KNOP1: variants seen among roughly 807,000 people sequenced by gnomAD.
The protein encoded by KNOP1 is lysine rich nucleolar protein 1, also known as lysine-rich nucleolar protein 1.
KNOP1 carries 20 observed loss-of-function variants against 30.6 expected under a neutral mutation model. The ratio of observed to expected loss-of-function variants is 0.65; its 90% CI spans 0.46 to 0.95. The LOEUF (loss-of-function observed/expected upper bound fraction) is 0.95, where lower values mean the gene tolerates loss of function less well. Ranked by LOEUF, KNOP1 falls within the 40% of genes least tolerant of loss-of-function variation. KNOP1 has a pLI of 0.00. For synonymous variants in KNOP1, 204 were observed against 210.0 expected (o/e 0.97, Z 0.25); for missense variants, 540 against 562.0 (o/e 0.96, Z 0.40).
intron 2 of KNOP1, among the ~76,000 whole-genome samples, chr16:19,712,365 G>A (rs1976765537): frequency 6.6e-6 from 1 of 152,188 alleles, no homozygotes; most frequent in Admixed American, 6.5e-5. Context: ...AGCAATGGGT[G>A]GTCCAAGGTC....
rs1294285440 is a variant in KNOP1 at position 19,715,116 on chromosome 16, G to A, written c.-2-79C>T. On this transcript the variant is annotated intron_variant, in intron 1 of 4. Transcript: ENST00000219837. ...TCTACTAAGCATTGCCAAGAGCCAT[G>A]TTTCTTTGAGTGGGTGGTCAAAGCG... is the stretch of plus-strand genomic sequence containing the variant. 6.8e-6 allele frequency: 7 copies of A among 1,022,854 alleles called. No homozygotes were observed. The Admixed American group carries it at 1.9e-4, about 27-fold the overall frequency. The allele number at this position is 1,022,854 out of a possible 1,614,324, so 63.4% of individuals were successfully genotyped here.
At chr16:19,718,096 C>A in intron 1 of KNOP1, 62 bp downstream of exon 1, 1 of 1,428,510 alleles carries the variant, frequency 7.0e-7, no homozygotes, top group Non-Finnish European at 9.1e-7. Context: ...CCGCCGCGCA[C>A]TTCCTCTGGT....
chr16:19,715,052 G>A lies in KNOP1; in HGVS notation c.-2-15C>T, dbSNP rs765963772. ...GGTGATCATTCCTGAAAAAACAAAT[G>A]GTACAAGTTATCCCATACCAAGCCA... is the stretch of plus-strand genomic sequence containing the variant. On this transcript the variant is annotated splice_polypyrimidine_tract_variant and intron_variant, in intron 1 of 4. Transcript: ENST00000219837. 1.3e-6 allele frequency: 2 copies of A among 1,526,222 alleles called. No homozygotes were observed. Among genetic ancestry groups the A allele is most frequent in the Non-Finnish European group, 1.7e-6 (2 of 1,143,268 alleles). 94.5% of individuals were successfully genotyped at this position (1,526,222 alleles called of 1,614,324 possible). A position where few individuals can be genotyped will look rare whatever the true frequency, so the allele number is the denominator to read the frequency against.
Position 19,706,640 on chromosome 16 carries a change from A to G in KNOP1, c.*270T>C. 2.4e-6 allele frequency: 1 copy of G among 416,632 alleles called. No individual in the cohort carries two copies. The allele number at this position is 416,632 out of a possible 1,614,324, so 25.8% of individuals were successfully genotyped here. On this transcript the variant is annotated 3_prime_UTR_variant, in exon 5 of 5. Coordinates refer to ENST00000219837, the MANE Select transcript of KNOP1 (RefSeq NM_001012991.3). ...TGAGCTGCCCTGCCCCAGTTCATCC[A>G]AGCCCATCAATATAGTTGTCCTCGT...
Position 19,705,043 on chromosome 16 carries a change from T to C in KNOP1, c.*1867A>G, listed in dbSNP as rs888908931. The C allele has an allele frequency of 5.0e-6, 2 of 399,828 alleles. No homozygotes were observed. The highest frequency in any genetic ancestry group is 2.1e-5 in the African/African-American group (1 of 48,378). The allele number at this position is 399,828 out of a possible 1,614,324, so 24.8% of individuals were successfully genotyped here. A position where few individuals can be genotyped will look rare whatever the true frequency, so the allele number is the denominator to read the frequency against. ...GGTGCAGCTATGGGCAGATGACTCA[T>C]TGCCCAGCAATGGAGGCTTCTGGAA... On this transcript the variant is annotated 3_prime_UTR_variant, in exon 5 of 5. Transcript: ENST00000219837.
In KNOP1 at chr16:19,715,051, T is replaced by A. The variant is rs1314599528; in HGVS notation, c.-2-14A>T. ...TGGTGATCATTCCTGAAAAAACAAA[T>A]GGTACAAGTTATCCCATACCAAGCC... On this transcript the variant is annotated splice_polypyrimidine_tract_variant and intron_variant, in intron 1 of 4. Transcript: ENST00000219837. The A allele has an allele frequency of 5.9e-6, 9 of 1,528,190 alleles. No homozygotes were observed. The Admixed American group carries it at 1.9e-4, about 33-fold the overall frequency. 94.7% of individuals were successfully genotyped at this position (1,528,190 alleles called of 1,614,324 possible). A position where few individuals can be genotyped will look rare whatever the true frequency, so the allele number is the denominator to read the frequency against.
At chr16:19,715,809 T>C (rs1977027363) in intron 1 of KNOP1, among the ~76,000 whole-genome samples, 1 of 152,130 alleles carries the variant, frequency 6.6e-6, no homozygotes, top group African/African-American at 2.4e-5. Context: ...CAGCTTGTCT[T>C]GGACAGATAT....
At chr16:19,709,917 C>T (rs899580681) in intron 4 of KNOP1, among the ~76,000 whole-genome samples, 1 of 152,166 alleles carries the variant, frequency 6.6e-6, no homozygotes, top group Non-Finnish European at 1.5e-5. Flanking sequence ...ACCGTGAGCG[C>T]GATGATGGGG....
At chr16:19,712,294 G>A (rs920126993) in intron 2 of KNOP1, among the ~76,000 whole-genome samples, 1 of 152,126 alleles carries the variant, frequency 6.6e-6, no homozygotes, top group Non-Finnish European at 1.5e-5. Flanking sequence ...AGCAACCAAA[G>A]CTAACACCTG....
Position 19,715,012 on chromosome 16 carries a change from T to G in KNOP1, c.24A>C (p.Val8=), listed in dbSNP as rs1391848706. The part of the protein sequence containing the change: MITKTHK[V]DLGLPEKKKK... The stretch of plus-strand genomic sequence containing the variant: ...TTTTCTTCTCTGGGAGCCCAAGGTC[T>G]ACTTTGTGTGTCTTGGTGATCATTC... Residue 8 remains valine (V), a synonymous_variant, in exon 2 of 5, where the codon GTA becomes GTC. Coordinates refer to ENST00000219837, the MANE Select transcript of KNOP1 (RefSeq NM_001012991.3). 1 of 1,576,016 alleles carries G rather than the reference T, an allele frequency of 6.3e-7. No individual in the cohort carries two copies. The highest frequency in any genetic ancestry group is 1.2e-5 in the South Asian group (1 of 83,164).
At chr16:19,713,053 A>C (rs947334236) in intron 2 of KNOP1, among the ~76,000 whole-genome samples, 9 of 151,614 alleles carry the variant, frequency 5.9e-5, no homozygotes, top group African/African-American at 2.2e-4. Context: ...CCCGCATCTC[A>C]GACGGTGTGG....
chr16:19,707,017 T>C lies in KNOP1; in HGVS notation c.1270A>G (p.Met424Val). 1 of 1,614,124 alleles carries C rather than the reference T, an allele frequency of 6.2e-7. No individual in the cohort carries two copies. The highest frequency in any genetic ancestry group is 8.5e-7 in the Non-Finnish European group (1 of 1,180,016). ...GCTCCCCGGCTGTACTTCCAGCTCA[T>C]GGCCCGGTCGTAGTCCCGCTGCAGA... is the stretch of plus-strand genomic sequence containing the variant. ...QNLQRDYDRA[M>V]SWKYSRGAGL... The change falls in exon 5 of 5, where the codon ATG (methionine) becomes GTG (valine). Residue 424 changes from methionine (M) to valine (V), a missense_variant. Met to Val is a conservative substitution (Grantham distance 21, BLOSUM62 1). Transcript: ENST00000219837.
Position 19,718,016 on chromosome 16 carries a change from C to G in KNOP1, c.-3+142G>C, listed in dbSNP as rs907291092. ...CTTTCTGGAGGCGGCGGCCTCAGGC[C>G]GGAGCGGGCGCACACCGACTGGAGG... On this transcript the variant is annotated intron_variant, in intron 1 of 4. Transcript: ENST00000219837. 2.9e-6 allele frequency: 4 copies of G among 1,357,394 alleles called. No individual in the cohort carries two copies. The African/African-American group carries it at 6.0e-5, about 20-fold the overall frequency. 84.1% of individuals were successfully genotyped at this position (1,357,394 alleles called of 1,614,324 possible). A position where few individuals can be genotyped will look rare whatever the true frequency, so the allele number is the denominator to read the frequency against.
chr16:19,714,294 C>A lies in KNOP1; in HGVS notation c.742G>T (p.Val248Phe), dbSNP rs1976873165. 1.2e-6 allele frequency: 2 copies of A among 1,614,160 alleles called. No individual in the cohort carries two copies. Among genetic ancestry groups the A allele is most frequent in the Non-Finnish European group, 1.7e-6 (2 of 1,180,016 alleles). The stretch of plus-strand genomic sequence containing the variant: ...ATGTATTCCGGAGCCTCAACTTTGA[C>A]TGGCTTCTTTTTACTTCCTTTCCTA... ...SPRKGSKKKP[V>F]KVEAPEYIPI... Residue 248 changes from valine to phenylalanine, a missense_variant, in exon 2 of 5, where the codon GTC becomes TTC. Transcript: ENST00000219837.
At chr16:19,707,556 T>C (rs1006030672) in intron 4 of KNOP1, among the ~76,000 whole-genome samples, 8 of 151,504 alleles carry the variant, frequency 5.3e-5, no homozygotes, top group Non-Finnish European at 8.8e-5. Context: ...TCCTCCTCCT[T>C]TCCTAACTCA....
rs1016067898 is a variant in KNOP1 at position 19,702,448 on chromosome 16, T to C, written c.*4462A>G. 1 of 152,254 alleles carries C rather than the reference T, an allele frequency of 6.6e-6. No homozygotes were observed. The highest frequency in any genetic ancestry group is 1.5e-5 in the Non-Finnish European group (1 of 68,054). 9.4% of individuals were successfully genotyped at this position (152,254 alleles called of 1,614,324 possible). On this transcript the variant is annotated 3_prime_UTR_variant, in exon 5 of 5. Transcript: ENST00000219837. ...TTCCCAAGCCTAGGCCAGTGAATTCTTACCGCTCTCACATTACACCTGAAC... is the reference window on the plus strand; with the variant it reads ...TTCCCAAGCCTAGGCCAGTGAATTCCTACCGCTCTCACATTACACCTGAAC...
chr16:19,717,025 T>C (rs953727781), intron 1 of KNOP1, among the ~76,000 whole-genome samples: 1 of 152,130 alleles, frequency 6.6e-6, no homozygotes, highest in Non-Finnish European at 1.5e-5. Context: ...GTATTTTTAG[T>C]AGGGACGGGG....
chr16:19,710,658 GACGGGGCTGGGGGA>G, intron 3 of KNOP1, 72 bp from the exon 4 acceptor site: 1 of 1,292,656 alleles, frequency 7.7e-7, no homozygotes, highest in East Asian at 2.3e-5. Context: ...CCAGGACAGA[GACGGGGCTGGGGGA>G]ACGGAACGTG....
Position 19,705,064 on chromosome 16 carries a change from TG to T in KNOP1, c.*1845del, listed in dbSNP as rs1976303616. 1 of 425,338 alleles carries T rather than the reference TG, an allele frequency of 2.4e-6. No homozygotes were observed. Among genetic ancestry groups the T allele is most frequent in the Admixed American group, 2.5e-5 (1 of 39,916 alleles). 26.3% of individuals were successfully genotyped at this position (425,338 alleles called of 1,614,324 possible). On this transcript the variant is annotated 3_prime_UTR_variant, in exon 5 of 5. Transcript: ENST00000219837. ...CTCATTGCCCAGCAATGGAGGCTTC[TG>T]GAAGTTTCCTTGAGACACAAAAAGG...
Sources: allele counts gnomAD v4.1 joint callset (sites outside exome capture counted in the v4.1 genomes callset), GRCh38; gene constraint gnomAD v4.1.1; transcripts MANE v1.5; gene names NCBI Gene and HGNC (gene_info 2026-07-23, HGNC 2026-07-21).